Variants in CLVS1 observed in about 807,000 individuals in gnomAD.
CLVS1 encodes the protein clavesin 1.
In CLVS1, 10 loss-of-function variants were observed where a neutral mutation model predicts 33.1. The ratio of observed to expected loss-of-function variants is 0.30; its 90% CI spans 0.19 to 0.51. CLVS1 has a LOEUF of 0.51. Among genes scored for constraint, CLVS1 ranks in the 20% least tolerant of loss-of-function variants. CLVS1 has a pLI of 0.97. For synonymous variants in CLVS1, 163 were observed against 166.1 expected, an observed-to-expected ratio of 0.98 and a Z score of 0.14; for missense variants, 343 against 433.4, an observed-to-expected ratio of 0.79 and a Z score of 1.85.
intron 2 of CLVS1, among the ~76,000 whole-genome samples, chr8:61,240,730 A>G (rs536878769): frequency 2.6e-5 from 4 of 151,864 alleles, no homozygotes; most frequent in Non-Finnish European, 5.9e-5. Flanking sequence ...TAACACTTTT[A>G]TTATTATTTT....
At chr8:61,128,713 C>T (rs1200159528) in intron 1 of CLVS1, among the ~76,000 whole-genome samples, 1 of 152,196 alleles carries the variant, frequency 6.6e-6, no homozygotes, top group Non-Finnish European at 1.5e-5. Flanking sequence ...TGTGAAGATG[C>T]CTTTGCATTT....
At chr8:61,261,467 G>T (rs1298307094) in intron 2 of CLVS1, among the ~76,000 whole-genome samples, 1 of 152,164 alleles carries the variant, frequency 6.6e-6, no homozygotes, top group Non-Finnish European at 1.5e-5. Context: ...AATCCAGAAA[G>T]ACACAAAGTC....
At chr8:61,445,671 C>A (rs976219371) in intron 3 of CLVS1, among the ~76,000 whole-genome samples, 1 of 152,204 alleles carries the variant, frequency 6.6e-6, no homozygotes, top group African/African-American at 2.4e-5. Flanking sequence ...AAAGGTAATA[C>A]TAGCTTCATA....
intron 4 of CLVS1, 74 bp downstream of exon 4, chr8:61,454,325 C>G (rs1817072013): frequency 2.0e-6 from 2 of 1,020,722 alleles, no homozygotes; most frequent in East Asian, 4.8e-5. Context: ...CCCCTCCTCT[C>G]TCCTTTCCCC....
chr8:61,463,290 T>A (rs1246614060), intron 5 of CLVS1, among the ~76,000 whole-genome samples: 1 of 152,222 alleles, frequency 6.6e-6, no homozygotes, highest in Admixed American at 6.5e-5. Context: ...TATTCAGACC[T>A]CTAAAACTTT....
rs916848773 is a variant in CLVS1 at position 61,227,808 on chromosome 8, G to A, written c.-151-71869G>A. ...ATGTCTGGGTGCCCAGTAGGGTGAT[G>A]TGAGGGGTTTTCCTGGGCACAGGAC... is the stretch of plus-strand genomic sequence containing the variant. On this transcript the variant is annotated intron_variant, in intron 2 of 2. Transcript: ENST00000522621. 4.1e-4 allele frequency among the ~76,000 whole-genome samples: 62 copies of A among 152,228 alleles called. 2 individuals carry two copies. The highest frequency in any genetic ancestry group is 2.6e-4 in the Non-Finnish European group (18 of 68,040).
At chr8:61,203,176 G>T in intron 2 of CLVS1, 1 of 1,128,456 alleles carries the variant, frequency 8.9e-7, no homozygotes, top group Non-Finnish European at 1.3e-6. Context: ...GCTTCCGGAT[G>T]ACTGACCAAG....
At chr8:61,210,716 C>T (rs1807952917) in intron 2 of CLVS1, among the ~76,000 whole-genome samples, 1 of 152,178 alleles carries the variant, frequency 6.6e-6, no homozygotes, top group Non-Finnish European at 1.5e-5. Flanking sequence ...TAAGTCCTGC[C>T]TGGACTCCTG....
At chr8:61,222,547 G>A (rs1404517078) in intron 2 of CLVS1, among the ~76,000 whole-genome samples, 3 of 152,164 alleles carry the variant, frequency 2.0e-5, no homozygotes, top group Non-Finnish European at 2.9e-5. Flanking sequence ...GAGACTGCTT[G>A]TTATGATTTC....
chr8:61,489,666 TGAA>T (rs1309215764), intron 5 of CLVS1, among the ~76,000 whole-genome samples: 1 of 152,200 alleles, frequency 6.6e-6, no homozygotes, highest in African/African-American at 2.4e-5. Flanking sequence ...ATGATGATGA[TGAA>T]GAACAGCTGT....
intron 2 of CLVS1, among the ~76,000 whole-genome samples, chr8:61,256,444 C>T (rs776114990): frequency 1.2e-4 from 19 of 152,074 alleles, no homozygotes; most frequent in Admixed American, 5.2e-4. Context: ...ACCCAGGAGG[C>T]GGAGCTTGCA....
chr8:61,088,047 C>T (rs923842963), intron 1 of CLVS1, among the ~76,000 whole-genome samples: 3 of 152,108 alleles, frequency 2.0e-5, no homozygotes, highest in African/African-American at 7.2e-5. Flanking sequence ...GTTTTGTTTG[C>T]TTGACTTGAA....
chr8:61,453,970 A>G (rs1817056596), intron 3 of CLVS1, among the ~76,000 whole-genome samples, 171 bp from the exon 4 acceptor site: 1 of 152,196 alleles, frequency 6.6e-6, no homozygotes, highest in African/African-American at 2.4e-5. Flanking sequence ...AGGGGAATAA[A>G]GACATCCTTA....
At chr8:61,129,434 T>G (rs1405990677) in intron 1 of CLVS1, among the ~76,000 whole-genome samples, 1 of 152,234 alleles carries the variant, frequency 6.6e-6, no homozygotes, top group Admixed American at 6.5e-5. Flanking sequence ...ATTTACTGCT[T>G]CTTCTTTAAA....
intron 2 of CLVS1, among the ~76,000 whole-genome samples, chr8:61,209,999 A>T (rs1296800233): frequency 6.6e-6 from 1 of 152,256 alleles, no homozygotes; most frequent in Non-Finnish European, 1.5e-5. Flanking sequence ...CTCTGACTTC[A>T]TCAAAAGAAA....
chr8:61,401,940 T>C (rs1814781682), intron 3 of CLVS1, among the ~76,000 whole-genome samples: 1 of 152,158 alleles, frequency 6.6e-6, no homozygotes, highest in Non-Finnish European at 1.5e-5. Flanking sequence ...ATTTTCATGC[T>C]AGAATTAAAC....
chr8:61,460,694 C>A (rs764186277), intron 5 of CLVS1, among the ~76,000 whole-genome samples: 4 of 152,148 alleles, frequency 2.6e-5, no homozygotes, highest in Non-Finnish European at 5.9e-5. Flanking sequence ...TCATGATAAG[C>A]AGATATTGTT....
At chr8:61,025,147 G>A in the CLVS1 span, among the ~76,000 whole-genome samples, 1 of 152,084 alleles carries the variant, frequency 6.6e-6, no homozygotes, top group East Asian at 1.9e-4. Context: ...ATGCCCAGGC[G>A]TTAAAGCATT....
At chr8:61,112,486 A>G (rs900522497) in intron 1 of CLVS1, among the ~76,000 whole-genome samples, 2 of 152,178 alleles carry the variant, frequency 1.3e-5, no homozygotes, top group Admixed American at 6.5e-5. Flanking sequence ...AACTTTCCAC[A>G]TTTTTACAAG....
Sources: allele counts gnomAD v4.1 joint callset (sites outside exome capture counted in the v4.1 genomes callset), GRCh38; gene constraint gnomAD v4.1.1; transcripts MANE v1.5; gene names NCBI Gene and HGNC (gene_info 2026-07-23, HGNC 2026-07-21).